Variants in IQCK observed in about 807,000 individuals in gnomAD.
IQCK encodes the protein IQ motif containing K.
Under a neutral mutation model 28.1 loss-of-function variants are expected in IQCK, and 29 were observed. The ratio of observed to expected loss-of-function variants is 1.03; its 90% CI spans 0.77 to 1.41. The LOEUF is 1.41. IQCK is among the 40% of genes most tolerant of loss of function. The pLI is 0.00. For missense variants in IQCK, 359 were observed against 314.7 expected (o/e 1.14, Z -1.07); for synonymous variants, 113 against 115.1 (o/e 0.98, Z 0.12).
At chr16:19,817,595 A>G (rs2056006211) in intron 7 of IQCK, among the ~76,000 whole-genome samples, 2 of 152,302 alleles carry the variant, frequency 1.3e-5, no homozygotes, top group South Asian at 4.2e-4. Flanking sequence ...TTCCAGAATG[A>G]TGAGGAAATG....
chr16:19,853,331 C>T (rs915162802), intron 9 of IQCK, among the ~76,000 whole-genome samples: 3 of 152,178 alleles, frequency 2.0e-5, no homozygotes, highest in Non-Finnish European at 2.9e-5. Flanking sequence ...CCCCCATGAA[C>T]AAGGTCCCTA....
At chr16:19,853,747 G>A (rs1349724771) in intron 9 of IQCK, among the ~76,000 whole-genome samples, 1 of 152,200 alleles carries the variant, frequency 6.6e-6, no homozygotes, top group Non-Finnish European at 1.5e-5. Context: ...TCCTGCCTCA[G>A]GCTCCCAAGT....
At chr16:19,765,326 TCAGGA>T (rs1289837582) in intron 6 of IQCK, among the ~76,000 whole-genome samples, 10 of 150,892 alleles carry the variant, frequency 6.6e-5, no homozygotes, top group Non-Finnish European at 1.2e-4. Flanking sequence ...TCACTTGAGG[TCAGGA>T]GTTCGAGACC....
intron 7 of IQCK, among the ~76,000 whole-genome samples, chr16:19,809,379 C>T (rs1002060941): frequency 1.3e-5 from 2 of 152,200 alleles, no homozygotes; most frequent in African/African-American, 2.4e-5. Flanking sequence ...AGCTGGTGAC[C>T]TGGCTGGGCT....
At chr16:19,748,072 C>CTTT (rs61573221) in intron 4 of IQCK, among the ~76,000 whole-genome samples, 5,316 of 117,128 alleles carry the variant, frequency 0.045, 533 homozygotes, top group African/African-American at 0.16. Flanking sequence ...GGCTCAAATT[C>CTTT]TTTTTTTTTT....
chr16:19,765,194 C>T (rs1205926635), intron 6 of IQCK, among the ~76,000 whole-genome samples: 1 of 143,556 alleles, frequency 7.0e-6, no homozygotes, highest in Admixed American at 6.9e-5. Context: ...TGCACTCCAG[C>T]CTGGGCGACA....
At chr16:19,813,275 T>A (rs1471357374) in intron 7 of IQCK, among the ~76,000 whole-genome samples, 1 of 152,052 alleles carries the variant, frequency 6.6e-6, no homozygotes, top group Non-Finnish European at 1.5e-5. Context: ...ATAGAATGAA[T>A]GGGGGAGAAG....
At chr16:19,782,833 C>T (rs888683327) in intron 6 of IQCK, among the ~76,000 whole-genome samples, 1 of 152,156 alleles carries the variant, frequency 6.6e-6, no homozygotes, top group Non-Finnish European at 1.5e-5. Flanking sequence ...TGTTAGCATG[C>T]TGTATCTTCA....
chr16:19,820,672 T>C (rs2056060497), intron 7 of IQCK, among the ~76,000 whole-genome samples: 1 of 149,724 alleles, frequency 6.7e-6, no homozygotes, highest in Non-Finnish European at 1.5e-5. Flanking sequence ...AAAAGATAAA[T>C]TTGATTTTAT....
intron 4 of IQCK, among the ~76,000 whole-genome samples, chr16:19,756,896 CAAA>C (rs34600488): frequency 9.4e-5 from 9 of 96,180 alleles, no homozygotes; most frequent in East Asian, 3.3e-4. Context: ...GGCTCCATGT[CAAA>C]AAAAAAAAAA....
In IQCK at chr16:19,793,643, G is replaced by GTTTT. The variant is rs1285541664; in HGVS notation, c.690+4748_690+4751dup. On this transcript the variant is annotated intron_variant, in intron 7 of 7. Transcript: ENST00000564186. Reference sequence around the variant, plus strand: ...CAATGCCTATCGAAATCTCAGTTGGGTTTTTTTTTTTTTTTTTTTTTTTTT... The same window carrying GTTTT: ...CAATGCCTATCGAAATCTCAGTTGGGTTTTTTTTTTTTTTTTTTTTTTTTTTTTT... 3.5e-3 allele frequency among the ~76,000 whole-genome samples: 216 copies of GTTTT among 61,810 alleles called. 11 individuals are homozygous for GTTTT. The highest frequency in any genetic ancestry group is 0.022 in the Middle Eastern group (1 of 46). The allele number at this position is 61,810 out of a possible 152,430, so 40.5% of individuals were successfully genotyped here.
chr16:19,767,610 G>C, intron 6 of IQCK, among the ~76,000 whole-genome samples: 1 of 152,028 alleles, frequency 6.6e-6, no homozygotes, highest in East Asian at 1.9e-4. Context: ...TGCTCCTCTC[G>C]ACGTTTGGCT....
At chr16:19,733,917 A>T in intron 3 of IQCK, 90 bp downstream of exon 3, 2 of 1,248,960 alleles carry the variant, frequency 1.6e-6, no homozygotes. Flanking sequence ...GATGGACCTC[A>T]GGGAGACCAC....
chr16:19,832,222 C>T (rs12149921), intron 9 of IQCK, among the ~76,000 whole-genome samples: 1 of 151,230 alleles, frequency 6.6e-6, no homozygotes, highest in Non-Finnish European at 1.5e-5. Context: ...ATTACATTAC[C>T]TATGTGTGTG....
Position 19,756,206 on chromosome 16 carries a change from C to A in IQCK, c.475-7642C>A, listed in dbSNP as rs1429444074. Among the ~76,000 whole-genome samples the A allele has an allele frequency of 2.0e-5, 3 of 152,078 alleles. 1 individual carries two copies. The highest frequency in any genetic ancestry group is 4.4e-5 in the Non-Finnish European group (3 of 68,006). On this transcript the variant is annotated intron_variant, in intron 4 of 7. Coordinates refer to ENST00000564186, the Ensembl canonical transcript of IQCK. ...CAATCAATCGGCAAAGCATAGTTCA[C>A]CATATTCTTTTGATTGGCCATAAGA...
At position 19,827,176 on chromosome 16, in the gene IQCK, A is replaced by G. The variant is rs571865437; in HGVS notation, c.841A>G (p.Lys281Glu). 3.2e-5 allele frequency: 44 copies of G among 1,396,182 alleles called. No individual in the cohort carries two copies. In the African/African-American group the frequency reaches 6.1e-4, roughly 19 times the overall value. 86.5% of individuals were successfully genotyped at this position (1,396,182 alleles called of 1,614,324 possible). ...TTCACTGTCCTTAGTTCATTCAAGA[A>G]AAGCCTGATTCTTATTCCAGGCTCA... The change falls in exon 8 of 8, where the codon AAA (lysine) becomes GAA (glutamate). Residue 281 changes from lysine (K) to glutamate (E), a missense_variant. By Grantham distance (56) the Lys-to-Glu change is moderately conservative. Coordinates refer to ENST00000564186, the Ensembl canonical transcript of IQCK.
At chr16:19,749,771 GA>G (rs111778931) in intron 4 of IQCK, among the ~76,000 whole-genome samples, 180 of 138,016 alleles carry the variant, frequency 1.3e-3, no homozygotes, top group South Asian at 2.6e-3. Context: ...TTTCAAAAAG[GA>G]AAAAAAAAAA....
chr16:19,844,820 T>A (rs982392700), intron 9 of IQCK, among the ~76,000 whole-genome samples: 14 of 152,136 alleles, frequency 9.2e-5, no homozygotes, highest in African/African-American at 3.4e-4. Flanking sequence ...TGTTTTGTTT[T>A]GTTTTTGAGA....
chr16:19,718,480 C>G (rs1447495265), exon 1 of IQCK: 3 of 1,604,694 alleles, frequency 1.9e-6, no homozygotes, highest in Non-Finnish European at 2.5e-6. Flanking sequence ...GGGAGCAGAT[C>G]TGCAAGGGTA....
Sources: allele counts gnomAD v4.1 joint callset (sites outside exome capture counted in the v4.1 genomes callset), GRCh38; gene constraint gnomAD v4.1.1; transcripts MANE v1.5; gene names NCBI Gene and HGNC (gene_info 2026-07-23, HGNC 2026-07-21).